HDAC9: variants seen among roughly 807,000 people sequenced by gnomAD.
The protein encoded by HDAC9 is histone deacetylase 9.
HDAC9 carries 41 observed loss-of-function variants against 139.4 expected under a neutral mutation model. The observed-to-expected ratio is 0.29, with a 90% CI of 0.23 to 0.38. HDAC9 has a LOEUF of 0.38. Ranked by LOEUF, HDAC9 falls within the 10% of genes least tolerant of loss-of-function variation. The probability of loss-of-function intolerance (pLI) is 1.00; values close to 1 mark genes in which losing one functional copy is unlikely to be tolerated. For synonymous variants in HDAC9, 517 were observed against 476.2 expected (o/e 1.09, Z -1.12); for missense variants, 1,147 against 1,297.0 (o/e 0.88, Z 1.78).
intron 22 of HDAC9, among the ~76,000 whole-genome samples, chr7:18,926,648 G>A (rs921460108): frequency 7.2e-5 from 11 of 152,112 alleles, no homozygotes; most frequent in African/African-American, 2.7e-4. Context: ...GTGAATGGAT[G>A]GATGGATGGA....
At chr7:18,528,852 A>T (rs979298630) in intron 2 of HDAC9, among the ~76,000 whole-genome samples, 1 of 152,142 alleles carries the variant, frequency 6.6e-6, no homozygotes, top group African/African-American at 2.4e-5. Flanking sequence ...TAACTTTAAC[A>T]ATTTCCTGCC....
intron 22 of HDAC9, among the ~76,000 whole-genome samples, chr7:18,884,164 C>T (rs1563020287): frequency 6.6e-6 from 1 of 152,112 alleles, no homozygotes; most frequent in Non-Finnish European, 1.5e-5. Flanking sequence ...GTCAAATTCC[C>T]AATGACATTT....
At chr7:18,332,082 C>G (rs1351511642) in intron 1 of HDAC9, among the ~76,000 whole-genome samples, 3 of 151,678 alleles carry the variant, frequency 2.0e-5, no homozygotes, top group Admixed American at 6.6e-5. Context: ...TTGCTTAAAA[C>G]AGTGCCATCT....
chr7:18,996,783 T>C lies in HDAC9; in HGVS notation c.*721T>C, dbSNP rs1182289575. 1 of 152,194 alleles carries C rather than the reference T, an allele frequency of 6.6e-6. No individual in the cohort carries two copies. The highest frequency in any genetic ancestry group is 2.4e-5 in the African/African-American group (1 of 41,452). 9.4% of individuals were successfully genotyped at this position (152,194 alleles called of 1,614,324 possible). On this transcript the variant is annotated 3_prime_UTR_variant, in exon 26 of 26. Transcript: ENST00000686413. ...AAACATCCCCAACATCTTTGTGTTC[T>C]CACACACAGGCAATTTGCAATGTTG...
intron 15 of HDAC9, among the ~76,000 whole-genome samples, chr7:18,763,717 A>G (rs1789588386): frequency 2.0e-5 from 3 of 152,158 alleles, no homozygotes; most frequent in Admixed American, 6.5e-5. Context: ...TTTAATTGTC[A>G]TGATTTTATG....
intron 1 of HDAC9, among the ~76,000 whole-genome samples, chr7:18,145,571 C>A (rs1786252726): frequency 6.6e-6 from 1 of 152,052 alleles, no homozygotes; most frequent in South Asian, 2.1e-4. Flanking sequence ...AACATGATAG[C>A]ATTCAAATAA....
intron 1 of HDAC9, among the ~76,000 whole-genome samples, chr7:18,443,939 T>C (rs1433209351): frequency 7.1e-6 from 1 of 140,994 alleles, no homozygotes; most frequent in East Asian, 2.0e-4. Context: ...TGTATATATA[T>C]GTATGTATGT....
intron 2 of HDAC9, among the ~76,000 whole-genome samples, chr7:18,233,969 A>G (rs751545981): frequency 2.0e-5 from 3 of 152,168 alleles, no homozygotes; most frequent in Non-Finnish European, 4.4e-5. Context: ...ATCTGCATCA[A>G]TTACATTCAT....
intron 1 of HDAC9, among the ~76,000 whole-genome samples, chr7:18,138,755 C>G (rs1785655328): frequency 6.6e-6 from 1 of 152,042 alleles, no homozygotes; most frequent in South Asian, 2.1e-4. Flanking sequence ...GGACATCGCT[C>G]ACATCACAGT....
intron 12 of HDAC9, among the ~76,000 whole-genome samples, chr7:18,723,329 A>G (rs901477051): frequency 1.3e-5 from 2 of 152,202 alleles, no homozygotes; most frequent in Non-Finnish European, 2.9e-5. Context: ...ATGGGAATAT[A>G]TAACAGCCAA....
intron 17 of HDAC9, among the ~76,000 whole-genome samples, chr7:18,828,656 G>T (rs945846051): frequency 6.6e-6 from 1 of 152,108 alleles, no homozygotes; most frequent in Non-Finnish European, 1.5e-5. Context: ...GATTTCTTTT[G>T]TGTCTATGTG....
intron 2 of HDAC9, among the ~76,000 whole-genome samples, chr7:18,240,526 A>G (rs1794121652): frequency 6.6e-6 from 1 of 152,168 alleles, no homozygotes; most frequent in South Asian, 2.1e-4. Flanking sequence ...TCCTCTGAGA[A>G]AAAAATATCT....
chr7:18,176,753 A>G (rs1178348), intron 2 of HDAC9, among the ~76,000 whole-genome samples: 43,804 of 151,912 alleles, frequency 0.29, 6,714 homozygotes, highest in African/African-American at 0.38. Flanking sequence ...TCATGTTTGG[A>G]TAATTTTTAT....
intron 1 of HDAC9, among the ~76,000 whole-genome samples, chr7:18,106,163 TA>T (rs1467045606): frequency 6.6e-6 from 1 of 152,192 alleles, no homozygotes; most frequent in Non-Finnish European, 1.5e-5. Flanking sequence ...TCTGTGAATA[TA>T]ATAAAAATCA....
intron 15 of HDAC9, among the ~76,000 whole-genome samples, chr7:18,763,415 A>G (rs1402351290): frequency 5.3e-5 from 8 of 152,322 alleles, no homozygotes; most frequent in Middle Eastern, 3.4e-3. Flanking sequence ...GTAAGACCAG[A>G]GGGGAATACA....
intron 22 of HDAC9, among the ~76,000 whole-genome samples, chr7:18,877,270 G>T (rs1799390024): frequency 6.6e-6 from 1 of 152,028 alleles, no homozygotes; most frequent in Non-Finnish European, 1.5e-5. Flanking sequence ...CTCCCCACTT[G>T]GTATCTTTGT....
At position 18,395,549 on chromosome 7, in the gene HDAC9, A is replaced by T. The variant is rs200159138; in HGVS notation, c.-41-100713A>T. On this transcript the variant is annotated intron_variant, in intron 1 of 3. Coordinates refer to the HDAC9 transcript ENST00000413509. The stretch of plus-strand genomic sequence containing the variant: ...ACCTAAGGCTTCAAAAAAAAAAAAA[A>T]AAACTAGATACCTCCCCACTCTTAT... Among the ~76,000 whole-genome samples, 584 of 151,938 alleles carry T rather than the reference A, an allele frequency of 3.8e-3. 15 individuals are homozygous for T. In the East Asian group the frequency reaches 0.052, roughly 13 times the overall value.
chr7:18,598,484 T>C (rs1005866262), intron 6 of HDAC9, among the ~76,000 whole-genome samples: 2 of 152,200 alleles, frequency 1.3e-5, no homozygotes, highest in Non-Finnish European at 2.9e-5. Context: ...GTCCTCAATC[T>C]TGAGCGATTA....
In HDAC9 at chr7:18,679,118, A is replaced by T. The variant is rs149089950; in HGVS notation, c.1731+12642A>T. ...ATTCTGGGGGGAATGAGCTGCTTCAACTAATTCTTAGTCCTGTATTCACTT... is the reference window on the plus strand; with the variant it reads ...ATTCTGGGGGGAATGAGCTGCTTCATCTAATTCTTAGTCCTGTATTCACTT... On this transcript the variant is annotated intron_variant, in intron 12 of 25. Coordinates refer to ENST00000686413, the MANE Select transcript of HDAC9 (RefSeq NM_178425.4). Among the ~76,000 whole-genome samples, 614 of 152,026 alleles carry T rather than the reference A, an allele frequency of 4.0e-3. 3 individuals are homozygous for T. Among genetic ancestry groups the T allele is most frequent in the African/African-American group, 0.014 (573 of 41,544 alleles).
Sources: gnomAD v4.1 joint callset for allele counts (sites outside exome capture counted in the v4.1 genomes callset) on GRCh38, gnomAD v4.1.1 for gene constraint, MANE v1.5 for transcripts, NCBI Gene and HGNC (gene_info 2026-07-23, HGNC 2026-07-21) for gene names.